Variants in SETBP1 observed in about 807,000 individuals in gnomAD.
SETBP1 encodes SET-binding protein.
Under a neutral mutation model 101.0 loss-of-function variants are expected in SETBP1, and 9 were observed. That is an observed-to-expected ratio of 0.09 (90% CI 0.05 to 0.16). SETBP1 has a LOEUF of 0.16. Among genes scored for constraint, SETBP1 ranks in the 10% least tolerant of loss-of-function variants. The pLI, the probability that SETBP1 is intolerant of heterozygous loss-of-function variation, is 1.00. For synonymous variants in SETBP1, 818 were observed against 788.5 expected (o/e 1.04, Z -0.63); for missense variants, 1,858 against 2,033.8 (o/e 0.91, Z 1.66).
intron 2 of SETBP1, among the ~76,000 whole-genome samples, chr18:44,854,159 A>G (rs978103428): frequency 1.3e-5 from 2 of 152,022 alleles, no homozygotes; most frequent in Admixed American, 6.6e-5. Flanking sequence ...TATCCCCAGA[A>G]TGCATCACAA....
intron 4 of SETBP1, among the ~76,000 whole-genome samples, chr18:45,025,209 C>G (rs559940330): frequency 6.6e-6 from 1 of 152,256 alleles, no homozygotes; most frequent in South Asian, 2.1e-4. Context: ...TTTCTCCTGC[C>G]CCTTTAAGAA....
chr18:45,034,168 G>A (rs550901400), intron 4 of SETBP1, among the ~76,000 whole-genome samples: 10 of 152,142 alleles, frequency 6.6e-5, no homozygotes, highest in Admixed American at 3.3e-4. Flanking sequence ...TAATTGAGCA[G>A]CAACTACTAC....
chr18:45,020,445 T>C (rs992180384), intron 4 of SETBP1, among the ~76,000 whole-genome samples: 5 of 152,094 alleles, frequency 3.3e-5, no homozygotes, highest in Admixed American at 2.6e-4. Flanking sequence ...CATTACACTT[T>C]ATTTGGTTTA....
intron 2 of SETBP1, among the ~76,000 whole-genome samples, chr18:44,860,718 G>T (rs12953639): frequency 1.3e-5 from 2 of 150,966 alleles, no homozygotes; most frequent in Admixed American, 1.3e-4. Flanking sequence ...CTGCACTCCA[G>T]CCTGGGTGAC....
At chr18:44,842,881 G>A (rs1055304307) in intron 2 of SETBP1, among the ~76,000 whole-genome samples, 3 of 152,360 alleles carry the variant, frequency 2.0e-5, no homozygotes, top group African/African-American at 7.2e-5. Context: ...TCCATTGGCT[G>A]TTTAGTCACA....
intron 2 of SETBP1, among the ~76,000 whole-genome samples, chr18:44,841,479 G>T (rs1304350776): frequency 1.3e-5 from 2 of 152,118 alleles, no homozygotes; most frequent in East Asian, 3.8e-4. Context: ...AAGGGGAAAG[G>T]GATTAGGCTC....
At chr18:44,783,267 G>T (rs1653107488) in intron 2 of SETBP1, among the ~76,000 whole-genome samples, 1 of 152,212 alleles carries the variant, frequency 6.6e-6, no homozygotes, top group Admixed American at 6.5e-5. Context: ...ACATACTGTG[G>T]TAGTGGAATG....
intron 2 of SETBP1, among the ~76,000 whole-genome samples, chr18:44,859,488 A>G (rs1165673035): frequency 6.6e-6 from 1 of 152,220 alleles, no homozygotes; most frequent in African/African-American, 2.4e-5. Flanking sequence ...TCCATGATTC[A>G]GAGCTATGTC....
At chr18:44,968,129 C>T (rs753718129) in intron 4 of SETBP1, among the ~76,000 whole-genome samples, 43 of 152,054 alleles carry the variant, frequency 2.8e-4, no homozygotes, top group Non-Finnish European at 5.3e-4. Flanking sequence ...TGGTACCATA[C>T]CTGGTCCTAA....
At chr18:44,694,367 A>G (rs1391912539) in intron 1 of SETBP1, among the ~76,000 whole-genome samples, 1 of 152,112 alleles carries the variant, frequency 6.6e-6, no homozygotes, top group African/African-American at 2.4e-5. Flanking sequence ...GCATGCCACC[A>G]CGCCCGACTA....
intron 2 of SETBP1, among the ~76,000 whole-genome samples, chr18:44,754,858 T>C (rs2070458924): frequency 6.6e-6 from 1 of 152,134 alleles, no homozygotes; most frequent in African/African-American, 2.4e-5. Context: ...CAGGAATGAG[T>C]CTGGAATTTA....
chr18:44,973,294 GA>G (rs1166025342), intron 4 of SETBP1, among the ~76,000 whole-genome samples: 5 of 152,144 alleles, frequency 3.3e-5, no homozygotes, highest in Non-Finnish European at 7.3e-5. Context: ...TTTTATTGAG[GA>G]TTTTTGTATC....
At chr18:44,853,907 T>C (rs2072920632) in intron 2 of SETBP1, among the ~76,000 whole-genome samples, 1 of 152,170 alleles carries the variant, frequency 6.6e-6, no homozygotes, top group African/African-American at 2.4e-5. Context: ...ACTCATCCTT[T>C]GGGGGATGGC....
At position 45,063,197 on chromosome 18, in the gene SETBP1, G is replaced by T. The variant is rs139896661; in HGVS notation, c.4290G>T (p.Val1430=). The change falls in exon 6 of 6, where the codon GTG becomes GTT. Residue 1430 remains valine (V), a synonymous_variant. Coordinates refer to ENST00000649279, the MANE Select transcript of SETBP1 (RefSeq NM_015559.3). ...CCACCAAGAAGAACCTGGACCACGT[G>T]AACAAGATCCTGAAGGCCAAGCGGC... is the stretch of plus-strand genomic sequence containing the variant. ...ILSTKKNLDH[V]NKILKAKRLQ... The T allele has an allele frequency of 3.7e-6, 6 of 1,613,840 alleles. No individual in the cohort carries two copies. The highest frequency in any genetic ancestry group is 1.1e-5 in the South Asian group (1 of 91,054).
intron 2 of SETBP1, among the ~76,000 whole-genome samples, chr18:44,718,628 T>C (rs1181215833): frequency 6.6e-6 from 1 of 152,218 alleles, no homozygotes; most frequent in East Asian, 1.9e-4. Context: ...AGTAACACTT[T>C]ATTGCATGCC....
At chr18:44,754,923 C>G (rs2070460063) in intron 2 of SETBP1, among the ~76,000 whole-genome samples, 1 of 152,214 alleles carries the variant, frequency 6.6e-6, no homozygotes, top group African/African-American at 2.4e-5. Flanking sequence ...GCCTAGTGCT[C>G]TTGGGAGAGA....
chr18:44,985,567 G>A (rs1344818453), intron 4 of SETBP1, among the ~76,000 whole-genome samples: 1 of 152,170 alleles, frequency 6.6e-6, no homozygotes, highest in Non-Finnish European at 1.5e-5. Context: ...TCACGCAAGG[G>A]CACAGTTACT....
At chr18:44,864,035 A>G (rs1238392192) in intron 2 of SETBP1, among the ~76,000 whole-genome samples, 2 of 152,100 alleles carry the variant, frequency 1.3e-5, no homozygotes, top group African/African-American at 4.8e-5. Context: ...GCCCCACTCT[A>G]TCCAAATGGA....
intron 2 of SETBP1, among the ~76,000 whole-genome samples, chr18:44,734,378 T>G (rs933171756): frequency 5.3e-5 from 8 of 152,342 alleles, no homozygotes; most frequent in African/African-American, 1.4e-4. Flanking sequence ...ATTCCAGCTC[T>G]CCTGTATATT....
Sources: gnomAD v4.1 joint callset for allele counts (sites outside exome capture counted in the v4.1 genomes callset) on GRCh38, gnomAD v4.1.1 for gene constraint, MANE v1.5 for transcripts, NCBI Gene and HGNC (gene_info 2026-07-23, HGNC 2026-07-21) for gene names.